Variants in COL23A1 observed in about 807,000 individuals in gnomAD.
COL23A1 encodes collagen type XXIII alpha 1 chain.
In COL23A1, 97 loss-of-function variants were observed where a neutral mutation model predicts 99.3. That is an observed-to-expected ratio of 0.98 (90% CI 0.83 to 1.16). The LOEUF is 1.16. Among genes scored for constraint, COL23A1 ranks in the 50% most tolerant of loss-of-function variants. The pLI is 0.00. For missense variants in COL23A1, 762 were observed against 757.4 expected, an observed-to-expected ratio of 1.01 and a Z score of -0.07; for synonymous variants, 320 against 308.2, an observed-to-expected ratio of 1.04 and a Z score of -0.40.
intron 2 of COL23A1, among the ~76,000 whole-genome samples, chr5:178,416,236 A>G (rs1381245749): frequency 6.6e-6 from 1 of 152,042 alleles, no homozygotes; most frequent in Non-Finnish European, 1.5e-5. Flanking sequence ...ATGACCAACT[A>G]GTTGCCAGGG....
intron 1 of COL23A1, among the ~76,000 whole-genome samples, chr5:178,585,734 A>ATGGCGCTGGGGTAAT (rs1763951823): frequency 8.8e-6 from 1 of 113,306 alleles, no homozygotes; most frequent in African/African-American, 3.4e-5. Flanking sequence ...AACACTCCAC[A>ATGGCGCTGGGGTAAT]GCCCTGGCTG....
At chr5:178,329,864 G>A (rs1349190154) in intron 2 of COL23A1, among the ~76,000 whole-genome samples, 1 of 152,036 alleles carries the variant, frequency 6.6e-6, no homozygotes, top group Admixed American at 6.5e-5. Flanking sequence ...TTGAACCCGG[G>A]AGGCGGAGGT....
intron 1 of COL23A1, among the ~76,000 whole-genome samples, chr5:178,575,256 T>G (rs1267694147): frequency 6.6e-6 from 1 of 152,160 alleles, no homozygotes; most frequent in Non-Finnish European, 1.5e-5. Flanking sequence ...TAAGGGATAA[T>G]TGGGCAGTTA....
At chr5:178,543,863 A>C (rs189472665) in intron 2 of COL23A1, among the ~76,000 whole-genome samples, 7 of 152,316 alleles carry the variant, frequency 4.6e-5, no homozygotes, top group African/African-American at 1.7e-4. Context: ...TATTGCTCAC[A>C]GTTCTGGAGG....
chr5:178,528,801 A>C (rs1760474880), intron 2 of COL23A1, among the ~76,000 whole-genome samples: 1 of 152,128 alleles, frequency 6.6e-6, no homozygotes, highest in South Asian at 2.1e-4. Context: ...CAAGAGTGAA[A>C]CTCCATCTCA....
intron 1 of COL23A1, among the ~76,000 whole-genome samples, chr5:178,579,479 A>G (rs1196204844): frequency 6.6e-6 from 1 of 152,074 alleles, no homozygotes; most frequent in Admixed American, 6.6e-5. Flanking sequence ...TTTGAGACGG[A>G]GTCTTGCTCT....
At chr5:178,359,574 AG>A (rs2127700253) in intron 2 of COL23A1, among the ~76,000 whole-genome samples, 1 of 152,342 alleles carries the variant, frequency 6.6e-6, no homozygotes, top group African/African-American at 2.4e-5. Context: ...GTCAGAGTGC[AG>A]GTTGCTCATA....
At chr5:178,367,340 C>G (rs147301952) in intron 2 of COL23A1, among the ~76,000 whole-genome samples, 1 of 152,012 alleles carries the variant, frequency 6.6e-6, no homozygotes, top group Non-Finnish European at 1.5e-5. Context: ...TCTGTGTGCC[C>G]GTTTCTCCTC....
At chr5:178,256,753 C>T in intron 14 of COL23A1, 113 bp downstream of exon 14, 1 of 1,049,572 alleles carries the variant, frequency 9.5e-7, no homozygotes, top group Non-Finnish European at 1.4e-6. Context: ...CTGGGTCAGG[C>T]CCTCCTGGGA....
chr5:178,269,003 C>T (rs1222558674), intron 6 of COL23A1, among the ~76,000 whole-genome samples: 1 of 152,138 alleles, frequency 6.6e-6, no homozygotes, highest in Non-Finnish European at 1.5e-5. Flanking sequence ...CACTGGCATC[C>T]TCGCAGCAGA....
intron 2 of COL23A1, among the ~76,000 whole-genome samples, chr5:178,493,973 G>A (rs1758066117): frequency 6.6e-6 from 1 of 151,734 alleles, no homozygotes; most frequent in African/African-American, 2.4e-5. Flanking sequence ...TGAGCCACTA[G>A]CGTGAATGTA....
At chr5:178,348,155 G>A (rs1199832380) in intron 2 of COL23A1, among the ~76,000 whole-genome samples, 1 of 151,630 alleles carries the variant, frequency 6.6e-6, no homozygotes, top group East Asian at 2.0e-4. Context: ...CCCTGACGCC[G>A]CCCCCCGACT....
chr5:178,368,748 T>A (rs1416196954), intron 2 of COL23A1, among the ~76,000 whole-genome samples: 1 of 152,354 alleles, frequency 6.6e-6, no homozygotes, highest in South Asian at 2.1e-4. Context: ...CACAGCGACT[T>A]CCTTCCAGGA....
intron 1 of COL23A1, among the ~76,000 whole-genome samples, chr5:178,584,620 G>C (rs1763830713): frequency 3.3e-5 from 5 of 152,178 alleles, no homozygotes; most frequent in Admixed American, 3.3e-4. Flanking sequence ...CTCGGTGAGG[G>C]AAGGAGGGAC....
intron 2 of COL23A1, among the ~76,000 whole-genome samples, chr5:178,372,566 C>A (rs1358957041): frequency 6.6e-6 from 1 of 152,182 alleles, no homozygotes; most frequent in African/African-American, 2.4e-5. Flanking sequence ...GACAGCCCAG[C>A]TTCCGATTTC....
intron 5 of COL23A1, among the ~76,000 whole-genome samples, chr5:178,284,782 T>C (rs1460200216): frequency 1.3e-5 from 2 of 152,148 alleles, no homozygotes; most frequent in Non-Finnish European, 2.9e-5. Flanking sequence ...TACAAAAAAG[T>C]ATGTCCAATG....
rs1011429177 is a variant in COL23A1 at position 178,415,659 on chromosome 5, C to A, written c.362-108740G>T. On this transcript the variant is annotated intron_variant, in intron 2 of 28. Coordinates refer to ENST00000390654, the MANE Select transcript of COL23A1 (RefSeq NM_173465.4). The surrounding 1 kb of genome is among the most constrained non-coding windows in gnomAD (Gnocchi z 4.6). ...CATGAGGGCAAGGGGACTGTGCGGG[C>A]GGCGGTGAGGTGGGCAGTCAGCAGA... Among the ~76,000 whole-genome samples the A allele has an allele frequency of 1.3e-5, 2 of 152,180 alleles. No individual in the cohort carries two copies. The highest frequency in any genetic ancestry group is 4.8e-5 in the African/African-American group (2 of 41,436).
intron 2 of COL23A1, among the ~76,000 whole-genome samples, chr5:178,498,246 ATATATAT>A (rs1562025686): frequency 1.5e-4 from 11 of 71,690 alleles, no homozygotes; most frequent in African/African-American, 9.5e-4. Flanking sequence ...ATATATATAT[ATATATAT>A]ATATAAAAGA....
At chr5:178,357,454 C>A (rs1761721932) in intron 2 of COL23A1, among the ~76,000 whole-genome samples, 1 of 152,218 alleles carries the variant, frequency 6.6e-6, no homozygotes. Flanking sequence ...TTGCTGGGAA[C>A]AGCACACTGG....
Sources: gnomAD v4.1 joint callset for allele counts (sites outside exome capture counted in the v4.1 genomes callset) on GRCh38, gnomAD v4.1.1 for gene constraint, Gnocchi (gnomAD v3.1) non-coding constraint, MANE v1.5 for transcripts, NCBI Gene and HGNC (gene_info 2026-07-23, HGNC 2026-07-21) for gene names.